The following RARS2 variants were observed in gnomAD, a reference collection of about 807,000 sequenced individuals.
The protein encoded by RARS2 is probable arginine--tRNA ligase, mitochondrial.
A neutral mutation model predicts 88.5 loss-of-function variants in RARS2; 67 were observed. The ratio of observed to expected loss-of-function variants is 0.76; its 90% CI spans 0.62 to 0.93. The LOEUF (loss-of-function observed/expected upper bound fraction) is 0.93. Among genes scored for constraint, RARS2 ranks in the 40% least tolerant of loss-of-function variants. The pLI, the probability that RARS2 is intolerant of heterozygous loss-of-function variation, is 0.00. For missense variants in RARS2, 664 were observed against 684.2 expected (o/e 0.97, Z 0.33); for synonymous variants, 239 against 230.3 (o/e 1.04, Z -0.34).
At chr6:87,521,613 A>G in intron 11 of RARS2, 89 bp from the exon 12 acceptor site, 1 of 972,018 alleles carries the variant, frequency 1.0e-6, no homozygotes, top group Non-Finnish European at 1.7e-6. Flanking sequence ...AGCATTTTCT[A>G]ATTAAGAATT....
intron 1 of RARS2, among the ~76,000 whole-genome samples, chr6:87,581,813 T>G (rs1242090403): frequency 6.6e-6 from 1 of 152,152 alleles, no homozygotes; most frequent in African/African-American, 2.4e-5. Context: ...CCATGTGTTC[T>G]CATTGTTCAG....
intron 1 of RARS2, among the ~76,000 whole-genome samples, chr6:87,578,006 A>C (rs960393081): frequency 3.3e-5 from 5 of 152,114 alleles, no homozygotes; most frequent in Non-Finnish European, 5.9e-5. Flanking sequence ...TTTCAGGCCA[A>C]GCGCGGTGGC....
intron 2 of RARS2, among the ~76,000 whole-genome samples, chr6:87,568,739 C>A (rs981063399): frequency 6.6e-6 from 1 of 152,132 alleles, no homozygotes; most frequent in African/African-American, 2.4e-5. Context: ...CCACTTACTT[C>A]TTTGTTCTAT....
chr6:87,587,083 A>G (rs1482970905), intron 1 of RARS2, among the ~76,000 whole-genome samples: 1 of 151,842 alleles, frequency 6.6e-6, no homozygotes, highest in East Asian at 1.9e-4. Context: ...TAATTTTCTA[A>G]TTAGTTTCCC....
In RARS2 at chr6:87,589,924, G is replaced by C. The variant is rs368985469; in HGVS notation, c.34C>G (p.Gln12Glu). Residue 12 changes from glutamine to glutamate, a missense_variant and splice_region_variant, in exon 1 of 20, where the codon CAG becomes GAG. Transcript: ENST00000369536. ...TCTGCGCGCTCCGGGATCCATACCT[G>C]GCAAGCAATAGCGCGGCGAAAGCCG... ...ACGFRRAIAC[Q>E]LSRVLNLPPE... 12 of 1,614,130 alleles carry C rather than the reference G, an allele frequency of 7.4e-6. No individual in the cohort carries two copies. Among genetic ancestry groups the C allele is most frequent in the South Asian group, 2.2e-5 (2 of 91,092 alleles).
At chr6:87,573,083 T>A (rs888635627) in intron 1 of RARS2, among the ~76,000 whole-genome samples, 1 of 152,174 alleles carries the variant, frequency 6.6e-6, no homozygotes, top group African/African-American at 2.4e-5. Flanking sequence ...TGTACTGCTA[T>A]AAAGACATAA....
intron 1 of RARS2, among the ~76,000 whole-genome samples, chr6:87,570,688 G>A (rs1461864492): frequency 6.6e-6 from 1 of 152,128 alleles, no homozygotes; most frequent in Non-Finnish European, 1.5e-5. Context: ...CCAAAATGTT[G>A]ACATTATAGG....
chr6:87,563,485 T>C (rs1039384727), intron 3 of RARS2, among the ~76,000 whole-genome samples: 1 of 152,230 alleles, frequency 6.6e-6, no homozygotes, highest in African/African-American at 2.4e-5. Flanking sequence ...TAAGCATCTT[T>C]TTCTATGATA....
intron 6 of RARS2, among the ~76,000 whole-genome samples, chr6:87,546,076 T>C (rs1346659026): frequency 6.6e-6 from 1 of 152,164 alleles, no homozygotes; most frequent in Non-Finnish European, 1.5e-5. Context: ...AGCCTCACTG[T>C]TGTATTTTCC....
At position 87,514,491 on chromosome 6, in the gene RARS2, A is replaced by T. The variant is rs778926653; in HGVS notation, c.1659T>A (p.Leu553=). 6.2e-7 allele frequency: 1 copy of T among 1,610,288 alleles called. No individual in the cohort carries two copies. The highest frequency in any genetic ancestry group is 2.2e-5 in the East Asian group (1 of 44,816). Residue 553 remains leucine, a synonymous_variant, in exon 20 of 20, where the codon CTT becomes CTA. Transcript: ENST00000369536. ...CAGAACGGACAGCTTTGAAAAGATG[A>T]AGTCTGGCCTACAAAATAAATCAAA... The part of the protein sequence containing the change: ...DSPPEVAGAR[L]HLFKAVRSVL...
chr6:87,571,414 G>A (rs747825613), intron 1 of RARS2, among the ~76,000 whole-genome samples: 1 of 152,086 alleles, frequency 6.6e-6, no homozygotes, highest in Non-Finnish European at 1.5e-5. Context: ...TTTATTAGCA[G>A]TGTGAGAACA....
At chr6:87,567,782 C>T (rs1768357421) in intron 2 of RARS2, among the ~76,000 whole-genome samples, 1 of 151,942 alleles carries the variant, frequency 6.6e-6, no homozygotes, top group Admixed American at 6.6e-5. Flanking sequence ...TATTTATTTA[C>T]TTTTTTTGAG....
chr6:87,586,838 ACT>A (rs1775303700), intron 1 of RARS2, among the ~76,000 whole-genome samples: 1 of 152,070 alleles, frequency 6.6e-6, no homozygotes, highest in African/African-American at 2.4e-5. Context: ...TTGGCTTTAT[ACT>A]TACCTGTTGA....
chr6:87,586,367 C>G (rs540018597), intron 1 of RARS2, among the ~76,000 whole-genome samples: 2 of 152,198 alleles, frequency 1.3e-5, no homozygotes, highest in South Asian at 2.1e-4. Flanking sequence ...CCTCCTCTTG[C>G]AATACCTGAC....
chr6:87,551,626 C>CAAAGA (rs1784369209), intron 5 of RARS2, among the ~76,000 whole-genome samples: 1 of 65,166 alleles, frequency 1.5e-5, no homozygotes. Flanking sequence ...TCCGTCTCAA[C>CAAAGA]AAAAAAAAAA....
intron 1 of RARS2, among the ~76,000 whole-genome samples, chr6:87,582,978 TCAA>T (rs1774069658): frequency 6.6e-6 from 1 of 152,234 alleles, no homozygotes; most frequent in East Asian, 1.9e-4. Flanking sequence ...GGGAAAAAAA[TCAA>T]CAAGACTGGA....
At position 87,580,390 on chromosome 6, in the gene RARS2, CA is replaced by C. The variant is rs1773111646; in HGVS notation, c.36+9531del. The stretch of plus-strand genomic sequence containing the variant: ...CTGACAGTAAACCTGAAAATTTTAA[CA>C]GAGAAATAACATCCACAAAATTAGG... On this transcript the variant is annotated intron_variant, in intron 1 of 19. Transcript: ENST00000369536. 2.0e-5 allele frequency among the ~76,000 whole-genome samples: 3 copies of C among 152,028 alleles called. No homozygotes were observed. In the South Asian group the frequency reaches 6.2e-4, roughly 32 times the overall value.
intron 1 of RARS2, among the ~76,000 whole-genome samples, chr6:87,574,728 T>C (rs1462421007): frequency 6.6e-6 from 1 of 152,080 alleles, no homozygotes; most frequent in African/African-American, 2.4e-5. Flanking sequence ...TGGAACTTAC[T>C]GAGAATGTGA....
At chr6:87,575,196 C>G (rs929211897) in intron 1 of RARS2, among the ~76,000 whole-genome samples, 1 of 136,496 alleles carries the variant, frequency 7.3e-6, no homozygotes, top group African/African-American at 2.7e-5. Flanking sequence ...TTATCAGAAG[C>G]CACAGAGATG....
Sources: gnomAD v4.1 joint callset for allele counts (sites outside exome capture counted in the v4.1 genomes callset) on GRCh38, gnomAD v4.1.1 for gene constraint, MANE v1.5 for transcripts, NCBI Gene and HGNC (gene_info 2026-07-23, HGNC 2026-07-21) for gene names.